Variants in IMMP2L observed in about 807,000 individuals in gnomAD.
IMMP2L encodes inner mitochondrial membrane peptidase subunit 2.
A neutral mutation model predicts 19.3 loss-of-function variants in IMMP2L; 18 were observed. The ratio of observed to expected loss-of-function variants is 0.93; its 90% CI spans 0.64 to 1.38. IMMP2L has a LOEUF of 1.38. IMMP2L is among the 40% of genes most tolerant of loss of function. The probability of loss-of-function intolerance (pLI) is 0.00; values close to 1 mark genes in which losing one functional copy is unlikely to be tolerated. For synonymous variants in IMMP2L, 76 were observed against 73.0 expected (o/e 1.04, Z -0.21); for missense variants, 233 against 218.2 (o/e 1.07, Z -0.43).
intron 3 of IMMP2L, among the ~76,000 whole-genome samples, chr7:111,114,019 G>A (rs995633573): frequency 3.3e-5 from 5 of 152,000 alleles, no homozygotes; most frequent in African/African-American, 1.2e-4. Context: ...AATATCTATT[G>A]ATAGAAATAA....
At chr7:110,805,414 C>T (rs958144529) in intron 5 of IMMP2L, among the ~76,000 whole-genome samples, 1 of 151,936 alleles carries the variant, frequency 6.6e-6, no homozygotes, top group South Asian at 2.1e-4. Context: ...GTAGAATGAA[C>T]GAATAATACA....
intron 3 of IMMP2L, among the ~76,000 whole-genome samples, chr7:111,075,936 T>C (rs1795370852): frequency 6.6e-6 from 1 of 152,210 alleles, no homozygotes; most frequent in Non-Finnish European, 1.5e-5. Context: ...TACAGCCAAT[T>C]TAATTGTTCA....
chr7:110,959,693 C>T (rs1818728187), intron 4 of IMMP2L, among the ~76,000 whole-genome samples: 1 of 151,916 alleles, frequency 6.6e-6, no homozygotes, highest in Admixed American at 6.6e-5. Flanking sequence ...CCTTTATTTA[C>T]ATTTTTCATT....
chr7:110,899,932 G>A (rs1489982337), intron 4 of IMMP2L, among the ~76,000 whole-genome samples: 1 of 152,168 alleles, frequency 6.6e-6, no homozygotes, highest in Non-Finnish European at 1.5e-5. Context: ...GGAGAACAAA[G>A]TTCTCAACTT....
intron 5 of IMMP2L, among the ~76,000 whole-genome samples, chr7:110,834,869 A>G (rs1391535249): frequency 2.0e-5 from 3 of 152,286 alleles, no homozygotes; most frequent in Non-Finnish European, 4.4e-5. Context: ...GGAGTAAAGC[A>G]CAACTTGGTT....
intron 5 of IMMP2L, among the ~76,000 whole-genome samples, chr7:110,866,953 C>CA (rs1179494401): frequency 1.3e-5 from 2 of 152,118 alleles, no homozygotes; most frequent in African/African-American, 4.8e-5. Context: ...TTTTCACGTA[C>CA]AAAAAATATA....
chr7:110,930,019 A>G (rs978537471), intron 4 of IMMP2L, among the ~76,000 whole-genome samples: 2 of 152,188 alleles, frequency 1.3e-5, no homozygotes, highest in African/African-American at 2.4e-5. Flanking sequence ...GTCTTAGCTC[A>G]GGAGAAGTAA....
chr7:111,304,192 G>C (rs1226057301), intron 3 of IMMP2L, among the ~76,000 whole-genome samples: 2 of 152,078 alleles, frequency 1.3e-5, no homozygotes, highest in African/African-American at 2.4e-5. Context: ...ACTAATGAAA[G>C]GATGAAGATA....
At chr7:111,093,852 A>G (rs1278532637) in intron 3 of IMMP2L, among the ~76,000 whole-genome samples, 1 of 152,130 alleles carries the variant, frequency 6.6e-6, no homozygotes, top group East Asian at 1.9e-4. Context: ...CTTCCTGGCA[A>G]GACAATTCAA....
intron 5 of IMMP2L, among the ~76,000 whole-genome samples, chr7:110,749,740 C>T (rs898610196): frequency 1.3e-5 from 2 of 152,022 alleles, no homozygotes; most frequent in Non-Finnish European, 2.9e-5. Flanking sequence ...ACACTAGGGC[C>T]TGTCAGGGGT....
intron 3 of IMMP2L, among the ~76,000 whole-genome samples, chr7:111,371,279 C>T (rs1054900756): frequency 6.5e-4 from 99 of 151,972 alleles, no homozygotes; most frequent in Non-Finnish European, 3.8e-4. Flanking sequence ...ATGGCTGCTA[C>T]AGTATCCTAG....
intron 5 of IMMP2L, among the ~76,000 whole-genome samples, chr7:110,782,358 T>C (rs1345178672): frequency 6.6e-6 from 1 of 151,920 alleles, no homozygotes; most frequent in Admixed American, 6.6e-5. Context: ...GAATCTAACC[T>C]GCTATGTGTT....
At chr7:111,323,311 C>T (rs1824947140) in intron 3 of IMMP2L, among the ~76,000 whole-genome samples, 1 of 151,792 alleles carries the variant, frequency 6.6e-6, no homozygotes, top group Admixed American at 6.6e-5. Context: ...ACAAAAAACC[C>T]CATCAAAAAG....
intron 5 of IMMP2L, among the ~76,000 whole-genome samples, chr7:110,752,656 T>C (rs995227025): frequency 9.2e-5 from 14 of 151,978 alleles, no homozygotes; most frequent in African/African-American, 3.1e-4. Context: ...CTCCTACTGC[T>C]TCAGGGACAA....
intron 3 of IMMP2L, among the ~76,000 whole-genome samples, chr7:111,175,728 T>A (rs917848277): frequency 5.3e-5 from 8 of 151,942 alleles, no homozygotes; most frequent in Admixed American, 5.3e-4. Flanking sequence ...CAAAGATTTC[T>A]AGAGTAATAC....
At chr7:110,720,669 T>C (rs1584607350) in intron 5 of IMMP2L, among the ~76,000 whole-genome samples, 1 of 152,182 alleles carries the variant, frequency 6.6e-6, no homozygotes, top group Admixed American at 6.6e-5. Flanking sequence ...GCTGGGGCCC[T>C]TCTGTTCTTA....
At chr7:111,350,066 C>T (rs1584750707) in intron 3 of IMMP2L, among the ~76,000 whole-genome samples, 2 of 151,288 alleles carry the variant, frequency 1.3e-5, no homozygotes, top group Middle Eastern at 6.8e-3. Context: ...CTTCTGCTTT[C>T]AAGGGATTCT....
intron 3 of IMMP2L, among the ~76,000 whole-genome samples, chr7:111,286,996 G>A (rs559143145): frequency 1.3e-5 from 2 of 152,180 alleles, no homozygotes; most frequent in Non-Finnish European, 2.9e-5. Flanking sequence ...GCTGCAAAAT[G>A]TGCTCTCCCT....
At chr7:111,082,150 A>G (rs1305517229) in intron 3 of IMMP2L, among the ~76,000 whole-genome samples, 1 of 152,210 alleles carries the variant, frequency 6.6e-6, no homozygotes, top group East Asian at 1.9e-4. Flanking sequence ...GTTTATTGGC[A>G]CAGGGATAGC....
Sources: allele counts gnomAD v4.1 joint callset (sites outside exome capture counted in the v4.1 genomes callset), GRCh38; gene constraint gnomAD v4.1.1; transcripts MANE v1.5; gene names NCBI Gene and HGNC (gene_info 2026-07-23, HGNC 2026-07-21).